The following PRICKLE1 variants were observed in gnomAD, a reference collection of about 807,000 sequenced individuals.
PRICKLE1 encodes prickle planar cell polarity protein 1.
A neutral mutation model predicts 70.2 loss-of-function variants in PRICKLE1; 14 were observed. The observed-to-expected ratio is 0.20, with a 90% CI of 0.13 to 0.31. The LOEUF (loss-of-function observed/expected upper bound fraction) is 0.31. PRICKLE1 is among the 10% of genes least tolerant of loss of function. The probability of loss-of-function intolerance (pLI) is 1.00; values close to 1 mark genes in which losing one functional copy is unlikely to be tolerated. For synonymous variants in PRICKLE1, 357 were observed against 379.9 expected (o/e 0.94, Z 0.70); for missense variants, 821 against 1,026.2 (o/e 0.80, Z 2.73).
intron 1 of PRICKLE1, among the ~76,000 whole-genome samples, chr12:42,563,422 G>A (rs535278698): frequency 2.6e-4 from 39 of 151,828 alleles, no homozygotes; most frequent in Non-Finnish European, 3.7e-4. Flanking sequence ...TCTTTTGGCC[G>A]GGCGTGGTGG....
intron 1 of PRICKLE1, among the ~76,000 whole-genome samples, chr12:42,585,482 C>A (rs1185996789): frequency 6.6e-6 from 1 of 152,128 alleles, no homozygotes; most frequent in Non-Finnish European, 1.5e-5. Flanking sequence ...CCTCCCCACC[C>A]CCCACAACTG....
At chr12:42,467,699 T>C (rs61924368) in intron 5 of PRICKLE1, among the ~76,000 whole-genome samples, 23,713 of 151,968 alleles carry the variant, frequency 0.16, 1,882 homozygotes, top group Admixed American at 0.2. Context: ...TGAGCCAAGA[T>C]TGCACCACGG....
intron 1 of PRICKLE1, among the ~76,000 whole-genome samples, chr12:42,543,892 A>G (rs145330263): frequency 6.6e-6 from 1 of 152,380 alleles, no homozygotes; most frequent in East Asian, 1.9e-4. Flanking sequence ...GTTGATTAAC[A>G]CATATTTTGT....
At chr12:42,560,003 G>A (rs11181556) in intron 1 of PRICKLE1, among the ~76,000 whole-genome samples, 40,301 of 151,384 alleles carry the variant, frequency 0.27, 7,692 homozygotes, top group African/African-American at 0.55. Flanking sequence ...CTAACCAATA[G>A]CTCTCTGTAC....
chr12:42,474,783 A>G (rs934826949), intron 1 of PRICKLE1, among the ~76,000 whole-genome samples: 9 of 152,236 alleles, frequency 5.9e-5, no homozygotes, highest in African/African-American at 2.2e-4. Context: ...AAATCATGAA[A>G]TATGAACATC....
intron 1 of PRICKLE1, among the ~76,000 whole-genome samples, chr12:42,536,659 G>A (rs538792189): frequency 2.6e-4 from 40 of 152,262 alleles, no homozygotes; most frequent in Admixed American, 2.2e-3. Flanking sequence ...GAACTTATGT[G>A]TAGAAGTTTC....
At chr12:42,485,863 T>C (rs1045274608) in intron 1 of PRICKLE1, among the ~76,000 whole-genome samples, 1 of 152,238 alleles carries the variant, frequency 6.6e-6, no homozygotes, top group Non-Finnish European at 1.5e-5. Flanking sequence ...CAACAGGTAC[T>C]GTCATGGTTT....
At chr12:42,486,771 G>A (rs1298258825) in intron 1 of PRICKLE1, among the ~76,000 whole-genome samples, 2 of 152,118 alleles carry the variant, frequency 1.3e-5, no homozygotes, top group African/African-American at 4.8e-5. Flanking sequence ...GTTGCTCTTG[G>A]TATCAGACAT....
At chr12:42,585,590 A>ATC (rs1306085695) in intron 1 of PRICKLE1, among the ~76,000 whole-genome samples, 1 of 152,104 alleles carries the variant, frequency 6.6e-6, no homozygotes, top group Non-Finnish European at 1.5e-5. Flanking sequence ...ATTCTATCAT[A>ATC]TCTCTGTGCC....
intron 1 of PRICKLE1, among the ~76,000 whole-genome samples, chr12:42,514,901 CTA>C (rs1555235181): frequency 1.4e-5 from 1 of 73,872 alleles, no homozygotes; most frequent in African/African-American, 4.2e-5. Context: ...ATCTATCTAT[CTA>C]TCTATCTATC....
chr12:42,520,950 C>G, intron 1 of PRICKLE1, among the ~76,000 whole-genome samples: 1 of 152,150 alleles, frequency 6.6e-6, no homozygotes, highest in South Asian at 2.1e-4. Context: ...GCGGGCAGAT[C>G]ACTTGAGGTC....
rs1938232263 is a variant in PRICKLE1, at chr12:42,469,513, T to C, written c.321A>G (p.Glu107=). The part of the protein sequence containing the change: ...LQVFSAQRKK[E]ALGRGTIKLL... ...GCTTAATTGTTCCTCTTCCCAGTGCTTCTTTCTTCCGCTGAGCACTGAACA... is the reference window on the plus strand; with the variant it reads ...GCTTAATTGTTCCTCTTCCCAGTGCCTCTTTCTTCCGCTGAGCACTGAACA... Residue 107 remains glutamate (E), a synonymous_variant, in exon 4 of 8, where the codon GAA becomes GAG. Coordinates refer to ENST00000345127, the MANE Select transcript of PRICKLE1 (RefSeq NM_153026.3). 1 of 1,614,036 alleles carries C rather than the reference T, an allele frequency of 6.2e-7. No homozygotes were observed. The highest frequency in any genetic ancestry group is 8.5e-7 in the Non-Finnish European group (1 of 1,180,022).
chr12:42,554,525 G>A (rs1445430225), intron 1 of PRICKLE1, among the ~76,000 whole-genome samples: 3 of 152,166 alleles, frequency 2.0e-5, no homozygotes, highest in Non-Finnish European at 4.4e-5. Flanking sequence ...GTCTTCCAAA[G>A]GTGGGAGATG....
chr12:42,550,883 T>C (rs1940302838), intron 1 of PRICKLE1, among the ~76,000 whole-genome samples: 1 of 152,230 alleles, frequency 6.6e-6, no homozygotes, highest in South Asian at 2.1e-4. Flanking sequence ...CACAGATTCC[T>C]GCCTGAAGTA....
chr12:42,475,472 G>A (rs1349013848), intron 1 of PRICKLE1, among the ~76,000 whole-genome samples: 1 of 152,128 alleles, frequency 6.6e-6, no homozygotes, highest in African/African-American at 2.4e-5. Flanking sequence ...ACCGGTCTTG[G>A]CTGTGATCCT....
intron 1 of PRICKLE1, among the ~76,000 whole-genome samples, chr12:42,583,268 G>A (rs1940933679): frequency 6.6e-6 from 1 of 152,122 alleles, no homozygotes; most frequent in Non-Finnish European, 1.5e-5. Context: ...CATAGTTACT[G>A]TGGGTTTTGT....
intron 1 of PRICKLE1, among the ~76,000 whole-genome samples, chr12:42,530,680 ATTTTT>A (rs34675637): frequency 8.2e-5 from 8 of 97,118 alleles, no homozygotes; most frequent in South Asian, 3.8e-4. Flanking sequence ...TTATCAAATA[ATTTTT>A]TTTTTTTTTT....
chr12:42,579,620 T>G lies in PRICKLE1; in HGVS notation c.-49+9845A>C, dbSNP rs1261326957. 2.0e-5 allele frequency among the ~76,000 whole-genome samples: 3 copies of G among 152,214 alleles called. No individual in the cohort carries two copies. In the East Asian group the frequency reaches 5.8e-4, roughly 29 times the overall value. Reference sequence around the variant, plus strand: ...CATTCTGAGACCCTGATGATTTGATTTGGCAGAGGGCATATGGTAGGAAGA... The same window carrying G: ...CATTCTGAGACCCTGATGATTTGATGTGGCAGAGGGCATATGGTAGGAAGA... On this transcript the variant is annotated intron_variant, in intron 1 of 7. Transcript: ENST00000345127.
At chr12:42,468,155 A>AT (rs570840675) in intron 5 of PRICKLE1, among the ~76,000 whole-genome samples, 235 of 152,186 alleles carry the variant, frequency 1.5e-3, no homozygotes, top group African/African-American at 5.4e-3. Context: ...AAGGGAAAAA[A>AT]TTTTTCCTTT....
Sources: allele counts gnomAD v4.1 joint callset (sites outside exome capture counted in the v4.1 genomes callset), GRCh38; gene constraint gnomAD v4.1.1; transcripts MANE v1.5; gene names NCBI Gene and HGNC (gene_info 2026-07-23, HGNC 2026-07-21).